The following KCTD17 variants were observed in gnomAD, a reference collection of about 807,000 sequenced individuals.
KCTD17 encodes the protein potassium channel tetramerization domain containing 17.
In KCTD17, 20 loss-of-function variants were observed where a neutral mutation model predicts 41.5. The ratio of observed to expected loss-of-function variants is 0.48; its 90% confidence interval spans 0.34 to 0.70. The LOEUF is 0.70. Ranked by LOEUF, KCTD17 falls within the 30% of genes least tolerant of loss-of-function variation. The probability of loss-of-function intolerance (pLI) is 0.01; values close to 1 mark genes in which losing one functional copy is unlikely to be tolerated. For missense variants in KCTD17, 317 were observed against 427.2 expected, an observed-to-expected ratio of 0.74 and a Z score of 2.27; for synonymous variants, 156 against 173.8, an observed-to-expected ratio of 0.90 and a Z score of 0.80.
chr22:37,053,094 C>G lies in KCTD17; in HGVS notation c.190-6C>G, dbSNP rs1358103752. ...TTCTCTCACCGAGCATCCCTCACCT[C>G]CATAGGATGAGACCGGGGCCTACCT... On this transcript the variant is annotated splice_region_variant and splice_polypyrimidine_tract_variant and intron_variant, in intron 1 of 8. Transcript: ENST00000403888. The surrounding 1 kb of genome is among the most constrained non-coding windows in gnomAD (Gnocchi z 4.1). 5.7e-6 allele frequency: 9 copies of G among 1,576,756 alleles called. No homozygotes were observed. The East Asian group carries it at 2.1e-4, about 37-fold the overall frequency.
intron 2 of KCTD17, among the ~76,000 whole-genome samples, chr22:37,055,554 A>T (rs1925002012): frequency 6.6e-6 from 1 of 152,196 alleles, no homozygotes; most frequent in Non-Finnish European, 1.5e-5. Context: ...CTGGGAGCCT[A>T]GGGGAGTCGA....
At chr22:37,062,247 G>A (rs1423554042) in intron 8 of KCTD17, 1 of 984,878 alleles carries the variant, frequency 1.0e-6, no homozygotes, top group African/African-American at 1.8e-5. Context: ...GCCTCTGTAG[G>A]TGGCCGCCAC....
At chr22:37,056,482 G>A (rs188116230) in intron 3 of KCTD17, 71 bp downstream of exon 3, 210 of 1,287,120 alleles carry the variant, frequency 1.6e-4, no homozygotes, top group Non-Finnish European at 2.1e-4. Flanking sequence ...GAGACGGGGC[G>A]GGAAGCAGAG....
At chr22:37,056,437 G>GCC in intron 3 of KCTD17, 26 bp downstream of exon 3, 1 of 1,584,964 alleles carries the variant, frequency 6.3e-7, no homozygotes, top group Non-Finnish European at 8.7e-7. Flanking sequence ...AGCACACACG[G>GCC]CCAGGGCAGG....
At chr22:37,060,729 C>A in intron 5 of KCTD17, 94 bp from the exon 6 acceptor site, 1 of 1,420,022 alleles carries the variant, frequency 7.0e-7, no homozygotes, top group Non-Finnish European at 9.2e-7. Flanking sequence ...TTTCACCTTG[C>A]CTGAGACCGG....
chr22:37,052,133 C>T (rs1240206254), intron 1 of KCTD17, 184 bp downstream of exon 1: 6 of 847,816 alleles, frequency 7.1e-6, no homozygotes, highest in African/African-American at 5.3e-5. Context: ...AGGGATGTAC[C>T]CATTGCCGTG....
rs539318802 is a variant in KCTD17, at chr22:37,062,711, C to T, written c.*117C>T. ...TGTGACTTACTCCTGCCTCCAGGGG[C>T]GGGGCGGGGCCCCCCTGGGACCTCT... On this transcript the variant is annotated 3_prime_UTR_variant, in exon 9 of 9. Coordinates refer to ENST00000403888, the MANE Select transcript of KCTD17 (RefSeq NM_001282684.2). The T allele has an allele frequency of 6.4e-4, 972 of 1,511,988 alleles. 1 individual carries two copies. Among genetic ancestry groups the T allele is most frequent in the Middle Eastern group, 1.2e-3 (5 of 4,266 alleles). The allele number at this position is 1,511,988 out of a possible 1,614,324, so 93.7% of individuals were successfully genotyped here.
At position 37,057,421 on chromosome 22, in the gene KCTD17, C is replaced by T. The variant is rs752012072; in HGVS notation, c.414C>T (p.Arg138=). The T allele has an allele frequency of 4.3e-5, 70 of 1,613,618 alleles. No individual in the cohort carries two copies. The highest frequency in any genetic ancestry group is 5.5e-5 in the South Asian group (5 of 91,072). The change falls in exon 4 of 9, where the codon CGC becomes CGT. Residue 138 remains arginine, a synonymous_variant. Transcript: ENST00000403888. ...VTQVPPKHVY[R]VLQCQEEELT... ...AGGTCCCACCCAAGCACGTGTACCGCGTGCTGCAGTGCCAGGAGGAGGAGC... is the reference window on the plus strand; with the variant it reads ...AGGTCCCACCCAAGCACGTGTACCGTGTGCTGCAGTGCCAGGAGGAGGAGC...
chr22:37,052,646 G>A lies in KCTD17; in HGVS notation c.190-454G>A, dbSNP rs372514917. ...TCCGATCTCTCTGTAGAGTCGCATG[G>A]AAGCCCACCCTGCCTCCCTGCCCGC... On this transcript the variant is annotated intron_variant, in intron 1 of 8. Coordinates refer to ENST00000403888, the MANE Select transcript of KCTD17 (RefSeq NM_001282684.2). 200 of 470,964 alleles carry A rather than the reference G, an allele frequency of 4.2e-4. 1 individual carries two copies. The East Asian group carries it at 0.013, about 31-fold the overall frequency. The allele number at this position is 470,964 out of a possible 1,614,324, so 29.2% of individuals were successfully genotyped here. A position where few individuals can be genotyped will look rare whatever the true frequency, so the allele number is the denominator to read the frequency against.
In KCTD17 at chr22:37,057,488, G is replaced by C; in HGVS notation, c.481G>C (p.Glu161Gln). The C allele has an allele frequency of 1.2e-6, 2 of 1,610,550 alleles. No homozygotes were observed. The highest frequency in any genetic ancestry group is 1.7e-6 in the Non-Finnish European group (2 of 1,179,656). ...VSTMSDGWRF[E>Q]QLVNIGSSYN... is the part of the protein sequence containing the mutation. ...CACCATGTCTGATGGCTGGCGCTTC[G>C]AGCAGGTGCGCTGGGGACAGGGGCG... The change falls in exon 4 of 9, where the codon GAG becomes CAG. Residue 161 changes from glutamate (E) to glutamine (Q), a missense_variant. By Grantham distance (29) the Glu-to-Gln change is conservative (BLOSUM62 2). Coordinates refer to ENST00000403888, the MANE Select transcript of KCTD17 (RefSeq NM_001282684.2).
intron 5 of KCTD17, 153 bp downstream of exon 5, chr22:37,059,591 C>A: frequency 1.1e-6 from 1 of 893,232 alleles, no homozygotes; most frequent in South Asian, 1.7e-5. Context: ...GCCATCCATC[C>A]CATGCCACCT....
chr22:37,061,906 GT>G lies in KCTD17; in HGVS notation c.875+278del. The stretch of plus-strand genomic sequence containing the variant: ...TCCCTGCACATCCAGGAGCTCCTGT[GT>G]CACTGCCTTGTGGCATCCCCTATTT... On this transcript the variant is annotated intron_variant, in intron 8 of 8. Coordinates refer to ENST00000403888, the MANE Select transcript of KCTD17 (RefSeq NM_001282684.2). This position sits in a 1 kb window ranked among gnomAD's most constrained non-coding sequence, Gnocchi z 6.6. 1 of 985,432 alleles carries G rather than the reference GT, an allele frequency of 1.0e-6. No individual in the cohort carries two copies. Among genetic ancestry groups the G allele is most frequent in the Non-Finnish European group, 1.2e-6 (1 of 829,932 alleles). 61.0% of individuals were successfully genotyped at this position (985,432 alleles called of 1,614,324 possible). A position where few individuals can be genotyped will look rare whatever the true frequency, so the allele number is the denominator to read the frequency against.
At position 37,061,763 on chromosome 22, in the gene KCTD17, G is replaced by T; in HGVS notation, c.875+134G>T. The T allele has an allele frequency of 6.9e-7, 1 of 1,446,998 alleles. No homozygotes were observed. The highest frequency in any genetic ancestry group is 2.6e-5 in the East Asian group (1 of 39,004). The allele number at this position is 1,446,998 out of a possible 1,614,324, so 89.6% of individuals were successfully genotyped here. On this transcript the variant is annotated intron_variant, in intron 8 of 8. Transcript: ENST00000403888. The surrounding 1 kb of genome is among the most constrained non-coding windows in gnomAD (Gnocchi z 6.6). ...TTTCTCATCCGACCTTGGCCTTGGG[G>T]GTGAGGCTCTGAGAGGAGAAGAAAG...
At position 37,062,802 on chromosome 22, in the gene KCTD17, T is replaced by C. The variant is rs1925950685; in HGVS notation, c.*208T>C. 4 of 1,103,508 alleles carry C rather than the reference T, an allele frequency of 3.6e-6. No homozygotes were observed. Among genetic ancestry groups the C allele is most frequent in the African/African-American group, 3.2e-5 (2 of 63,048 alleles). 68.4% of individuals were successfully genotyped at this position (1,103,508 alleles called of 1,614,324 possible). On this transcript the variant is annotated 3_prime_UTR_variant, in exon 9 of 9. Transcript: ENST00000403888. ...ACTGCTCATGGCAGATGTGTGGCAA[T>C]GTCTGGCTGTGTCTCTCCGGCACCT...
rs370992567 is a variant in KCTD17, at chr22:37,053,108, C to G, written c.198C>G (p.Thr66=). The G allele has an allele frequency of 7.6e-6, 12 of 1,587,872 alleles. No homozygotes were observed. The highest frequency in any genetic ancestry group is 7.1e-5 in the Admixed American group (4 of 56,676). Residue 66 remains threonine (T), a synonymous_variant, in exon 2 of 9, where the codon ACC becomes ACG. Transcript: ENST00000403888. The surrounding 1 kb of genome is among the most constrained non-coding windows in gnomAD (Gnocchi z 4.1). ...ATCCCTCACCTCCATAGGATGAGAC[C>G]GGGGCCTACCTCATTGACCGTGACC... ...GEELQSDRDE[T]GAYLIDRDPT...
In KCTD17 at chr22:37,058,073, T is replaced by C. The variant is rs531259647; in HGVS notation, c.486+580T>C. Among the ~76,000 whole-genome samples, 101 of 152,346 alleles carry C rather than the reference T, an allele frequency of 6.6e-4. 2 individuals carry two copies. The highest frequency in any genetic ancestry group is 2.3e-3 in the African/African-American group (97 of 41,594). ...TCGGGAGATCCTTATCCCGAGGGAC[T>C]TTATCCCTAGTCATGCAGCTGACCT... On this transcript the variant is annotated intron_variant, in intron 4 of 8. Transcript: ENST00000403888.
In KCTD17 at chr22:37,061,755, G is replaced by A. The variant is rs762911894; in HGVS notation, c.875+126G>A. 7 of 1,451,966 alleles carry A rather than the reference G, an allele frequency of 4.8e-6. No homozygotes were observed. The highest frequency in any genetic ancestry group is 6.4e-6 in the Non-Finnish European group (7 of 1,097,306). 89.9% of individuals were successfully genotyped at this position (1,451,966 alleles called of 1,614,324 possible). On this transcript the variant is annotated intron_variant, in intron 8 of 8. Coordinates refer to ENST00000403888, the MANE Select transcript of KCTD17 (RefSeq NM_001282684.2). This position sits in a 1 kb window ranked among gnomAD's most constrained non-coding sequence, Gnocchi z 6.6. ...CACCAAAGTTTCTCATCCGACCTTG[G>A]CCTTGGGGGTGAGGCTCTGAGAGGA...
At chr22:37,052,012 G>T (rs939954939) in intron 1 of KCTD17, 63 bp downstream of exon 1, 1 of 1,304,520 alleles carries the variant, frequency 7.7e-7, no homozygotes. Flanking sequence ...ACGCGGGGCT[G>T]TCGGGCCTGG....
Position 37,062,870 on chromosome 22 carries a change from T to C in KCTD17, c.*276T>C, listed in dbSNP as rs977294245. The C allele has an allele frequency of 8.9e-5, 54 of 604,054 alleles. No individual in the cohort carries two copies. Among genetic ancestry groups the C allele is most frequent in the South Asian group, 2.9e-4 (13 of 45,390 alleles). 37.4% of individuals were successfully genotyped at this position (604,054 alleles called of 1,614,324 possible). A position where few individuals can be genotyped will look rare whatever the true frequency, so the allele number is the denominator to read the frequency against. On this transcript the variant is annotated 3_prime_UTR_variant, in exon 9 of 9. Coordinates refer to ENST00000403888, the MANE Select transcript of KCTD17 (RefSeq NM_001282684.2). Reference sequence around the variant, plus strand: ...CTCCCCTGCTGCATGGTGGATGTGCTCCTTCCTGGCCCGGTCACATTGCCT... The same window carrying C: ...CTCCCCTGCTGCATGGTGGATGTGCCCCTTCCTGGCCCGGTCACATTGCCT...
Sources: gnomAD v4.1 joint callset for allele counts (sites outside exome capture counted in the v4.1 genomes callset) on GRCh38, gnomAD v4.1.1 for gene constraint, Gnocchi (gnomAD v3.1) non-coding constraint, MANE v1.5 for transcripts, NCBI Gene and HGNC (gene_info 2026-07-23, HGNC 2026-07-21) for gene names.